The following TMEM117 variants were observed in gnomAD, a reference collection of about 807,000 sequenced individuals.
TMEM117 encodes transmembrane protein 117.
Under a neutral mutation model 52.4 loss-of-function variants are expected in TMEM117, and 27 were observed. That is an observed-to-expected ratio of 0.51 (90% confidence interval 0.38 to 0.71). TMEM117 has a LOEUF of 0.71. Among genes scored for constraint, TMEM117 ranks in the 30% least tolerant of loss-of-function variants. The pLI is 0.00. For synonymous variants in TMEM117, 215 were observed against 206.3 expected, an observed-to-expected ratio of 1.04 and a Z score of -0.36; for missense variants, 556 against 630.5, an observed-to-expected ratio of 0.88 and a Z score of 1.26.
the TMEM117 span, chr12:43,806,075 G>C: frequency 1.3e-6 from 2 of 1,517,590 alleles, no homozygotes; most frequent in Non-Finnish European, 1.8e-6. Flanking sequence ...GCAGGAGCGC[G>C]GAGAGGCGCC....
At chr12:43,815,833 A>G in the TMEM117 span, among the ~76,000 whole-genome samples, 11 of 152,212 alleles carry the variant, frequency 7.2e-5, no homozygotes, top group African/African-American at 2.7e-4. Context: ...ATAAATTGAG[A>G]CCCAATAGCT....
chr12:44,115,007 G>A (rs187159753), intron 3 of TMEM117, among the ~76,000 whole-genome samples: 19 of 152,174 alleles, frequency 1.2e-4, no homozygotes, highest in South Asian at 4.2e-4. Flanking sequence ...GAAAAAGACC[G>A]TAAATCATAT....
intron 6 of TMEM117, among the ~76,000 whole-genome samples, chr12:44,354,532 A>G (rs1055151449): frequency 4.0e-5 from 6 of 151,596 alleles, no homozygotes; most frequent in Non-Finnish European, 7.4e-5. Flanking sequence ...ATCAGTAAAC[A>G]TAATCCAGCA....
At chr12:43,887,209 A>G (rs555986153) in intron 2 of TMEM117, among the ~76,000 whole-genome samples, 1 of 152,110 alleles carries the variant, frequency 6.6e-6, no homozygotes. Context: ...TTTTTACCTA[A>G]AGCAAGAAGC....
intron 3 of TMEM117, among the ~76,000 whole-genome samples, chr12:43,983,754 T>G (rs1019925024): frequency 1.3e-5 from 2 of 151,686 alleles, no homozygotes; most frequent in Non-Finnish European, 2.9e-5. Flanking sequence ...TTTTGTAAAC[T>G]CAGAGTGAAA....
intron 5 of TMEM117, among the ~76,000 whole-genome samples, chr12:44,283,490 T>G (rs1347526919): frequency 6.6e-6 from 1 of 152,166 alleles, no homozygotes; most frequent in African/African-American, 2.4e-5. Context: ...GCTTTAAAAT[T>G]TGACTGCCCC....
At chr12:44,338,828 G>A (rs978873853) in intron 6 of TMEM117, among the ~76,000 whole-genome samples, 4 of 152,056 alleles carry the variant, frequency 2.6e-5, no homozygotes, top group Non-Finnish European at 4.4e-5. Flanking sequence ...GCAGACAACA[G>A]AAACCAATCT....
chr12:44,207,357 A>T (rs1949582879), intron 4 of TMEM117, among the ~76,000 whole-genome samples: 1 of 152,168 alleles, frequency 6.6e-6, no homozygotes, highest in South Asian at 2.1e-4. Flanking sequence ...CCTGCGTGGG[A>T]ATTAGCTTGT....
intron 3 of TMEM117, among the ~76,000 whole-genome samples, chr12:44,004,818 T>C (rs762285631): frequency 4.6e-5 from 7 of 152,148 alleles, no homozygotes; most frequent in Non-Finnish European, 1.0e-4. Context: ...ATGAGCAGTA[T>C]ACCTAGCTGA....
chr12:44,006,018 C>T lies in TMEM117; in HGVS notation c.410+61676C>T, dbSNP rs569857541. Among the ~76,000 whole-genome samples, 7 of 152,214 alleles carry T rather than the reference C, an allele frequency of 4.6e-5. No homozygotes were observed. The South Asian group carries it at 8.3e-4, about 18-fold the overall frequency. Reference sequence around the variant, plus strand: ...TTTTCCTATATAAATTACCCAGTCTCGAGTATGTCTTTATCAGCAGCATGA... The same window carrying T: ...TTTTCCTATATAAATTACCCAGTCTTGAGTATGTCTTTATCAGCAGCATGA... On this transcript the variant is annotated intron_variant, in intron 3 of 7. Transcript: ENST00000266534.
intron 3 of TMEM117, among the ~76,000 whole-genome samples, chr12:44,084,553 C>T (rs1405211227): frequency 6.6e-6 from 1 of 152,096 alleles, no homozygotes; most frequent in East Asian, 1.9e-4. Context: ...TGAGCTTTCC[C>T]TGTTGTGTCT....
chr12:43,909,656 G>A (rs997755831), intron 2 of TMEM117, among the ~76,000 whole-genome samples: 7 of 152,098 alleles, frequency 4.6e-5, no homozygotes, highest in African/African-American at 1.7e-4. Context: ...AAATGATAAA[G>A]GAGATATCAC....
At chr12:43,996,846 A>G (rs1160711463) in intron 3 of TMEM117, among the ~76,000 whole-genome samples, 1 of 152,130 alleles carries the variant, frequency 6.6e-6, no homozygotes. Flanking sequence ...TACCTTAGGA[A>G]AAAAATTTTA....
chr12:43,998,391 T>C (rs755883682), intron 3 of TMEM117, among the ~76,000 whole-genome samples: 10 of 152,232 alleles, frequency 6.6e-5, no homozygotes, highest in Non-Finnish European at 1.5e-4. Context: ...AGTGGGTTTC[T>C]TGTAGACAAC....
chr12:43,875,824 TACTC>T (rs1420830678), intron 2 of TMEM117, among the ~76,000 whole-genome samples: 1 of 152,204 alleles, frequency 6.6e-6, no homozygotes, highest in Admixed American at 6.5e-5. Context: ...ACTCATGTCC[TACTC>T]ACTCTTCTCT....
At chr12:44,316,853 T>G (rs905597229) in intron 6 of TMEM117, among the ~76,000 whole-genome samples, 7 of 152,080 alleles carry the variant, frequency 4.6e-5, no homozygotes, top group African/African-American at 1.7e-4. Flanking sequence ...CTTTTTCTGT[T>G]TGGTGTAGTA....
At chr12:44,035,950 G>A (rs1946703459) in intron 3 of TMEM117, among the ~76,000 whole-genome samples, 1 of 152,272 alleles carries the variant, frequency 6.6e-6, no homozygotes, top group Admixed American at 6.5e-5. Flanking sequence ...AGATATGGCA[G>A]GTGTTTTATG....
chr12:44,172,532 C>T (rs1236882760), intron 4 of TMEM117, among the ~76,000 whole-genome samples: 2 of 152,186 alleles, frequency 1.3e-5, no homozygotes, highest in Admixed American at 6.5e-5. Context: ...ATTAAGGGCT[C>T]ACCTATTCCA....
intron 5 of TMEM117, among the ~76,000 whole-genome samples, chr12:44,291,668 C>T (rs746645570): frequency 2.0e-5 from 3 of 151,828 alleles, no homozygotes. Context: ...AGGTACATTT[C>T]TTCTGTACCT....
Sources: allele counts gnomAD v4.1 joint callset (sites outside exome capture counted in the v4.1 genomes callset), GRCh38; gene constraint gnomAD v4.1.1; transcripts MANE v1.5; gene names NCBI Gene and HGNC (gene_info 2026-07-23, HGNC 2026-07-21).